Variants in AREL1 observed in about 807,000 individuals in gnomAD.
AREL1 encodes the protein apoptosis-resistant E3 ubiquitin protein ligase 1.
AREL1 carries 62 observed loss-of-function variants against 99.0 expected under a neutral mutation model. The ratio of observed to expected loss-of-function variants is 0.63; its 90% CI spans 0.51 to 0.77. AREL1 has a LOEUF of 0.77. Among genes scored for constraint, AREL1 ranks in the 30% least tolerant of loss-of-function variants. The pLI, the probability that AREL1 is intolerant of heterozygous loss-of-function variation, is 0.00. For synonymous variants in AREL1, 380 were observed against 376.5 expected (o/e 1.01, Z -0.11); for missense variants, 879 against 1,027.6 (o/e 0.86, Z 1.98).
chr14:74,664,456 T>C (rs1244502252), intron 18 of AREL1, among the ~76,000 whole-genome samples: 1 of 140,950 alleles, frequency 7.1e-6, no homozygotes, highest in Non-Finnish European at 1.6e-5. Context: ...TTCTTTTTTT[T>C]TTTTTTTTTT....
intron 17 of AREL1, among the ~76,000 whole-genome samples, chr14:74,665,896 C>T (rs554223818): frequency 1.3e-3 from 204 of 152,308 alleles, no homozygotes; most frequent in Non-Finnish European, 2.6e-3. Context: ...GAACTAAGAG[C>T]AGGATGTGGA....
At chr14:74,701,848 C>T (rs2090091563) in intron 1 of AREL1, 1 of 152,158 alleles carries the variant, frequency 6.6e-6, no homozygotes, top group African/African-American at 2.4e-5. Context: ...TATACCTGTT[C>T]CAAATGGGAG....
Position 74,676,738 on chromosome 14 carries a change from A to T in AREL1, c.496T>A (p.Ser166Thr), listed in dbSNP as rs1432620876. The T allele has an allele frequency of 6.2e-7, 1 of 1,603,658 alleles. No individual in the cohort carries two copies. ...KIFQPGMVVPSKTKIVCHFST... is the reference protein window; with the variant it reads ...KIFQPGMVVPTKTKIVCHFST... Reference sequence around the variant, plus strand: ...AAGTGGCACACAATTTTGGTCTTAGAAGGAACCACCATTCCTGGAACAAAG... The same window carrying T: ...AAGTGGCACACAATTTTGGTCTTAGTAGGAACCACCATTCCTGGAACAAAG... The change falls in exon 6 of 20, where the codon TCT becomes ACT. Residue 166 changes from serine to threonine, a missense_variant. Ser to Thr is a moderately conservative substitution (Grantham distance 58). Transcript: ENST00000356357.
At position 74,699,348 on chromosome 14, in the gene AREL1, G is replaced by GGTGTGTGTGT. The variant is rs770359342; in HGVS notation, c.-333-7030_-333-7021dup. ...TGTCCCAGTCTAAGTGACAGTGAGG[G>GGTGTGTGTGT]GTGTGTGTGTGTGTGTGTGTGTGTG... On this transcript the variant is annotated intron_variant, in intron 1 of 19. Transcript: ENST00000356357. Among the ~76,000 whole-genome samples the GGTGTGTGTGT allele has an allele frequency of 4.8e-3, 693 of 143,512 alleles. 5 individuals carry two copies. The highest frequency in any genetic ancestry group is 0.017 in the African/African-American group (655 of 37,774). 94.1% of individuals were successfully genotyped at this position (143,512 alleles called of 152,430 possible).
chr14:74,692,160 G>A lies in AREL1; in HGVS notation c.-165C>T. On this transcript the variant is annotated 5_prime_UTR_variant, in exon 2 of 20. Coordinates refer to ENST00000356357, the MANE Select transcript of AREL1 (RefSeq NM_001039479.2). ...TCCACATGAAAGAAAAACGCCACAA[G>A]GTCAACAGAAAGGGTCTATCCATCA... 2.2e-6 allele frequency: 1 copy of A among 445,330 alleles called. No homozygotes were observed. The highest frequency in any genetic ancestry group is 1.6e-5 in the South Asian group (1 of 61,858). 27.6% of individuals were successfully genotyped at this position (445,330 alleles called of 1,614,324 possible).
chr14:74,679,441 G>C (rs1204451802), intron 5 of AREL1, among the ~76,000 whole-genome samples: 1 of 152,094 alleles, frequency 6.6e-6, no homozygotes, highest in Non-Finnish European at 1.5e-5. Flanking sequence ...ATAAAGAAAA[G>C]CTACAGATGG....
chr14:74,667,198 A>G (rs749626305), intron 17 of AREL1, 121 bp downstream of exon 17: 91 of 1,159,470 alleles, frequency 7.8e-5, no homozygotes, highest in Admixed American at 1.3e-4. Flanking sequence ...ACAAAAGTGA[A>G]ACCACCTCTT....
chr14:74,664,448 CTTTTTTTTT>C (rs56728679), intron 18 of AREL1, among the ~76,000 whole-genome samples: 1 of 76,896 alleles, frequency 1.3e-5, no homozygotes, highest in Admixed American at 1.8e-4. Flanking sequence ...CTTTTCCTTT[CTTTTTTTTT>C]TTTTTTTTTT....
intron 17 of AREL1, among the ~76,000 whole-genome samples, chr14:74,666,466 A>G (rs371303553): frequency 7.2e-5 from 11 of 152,200 alleles, no homozygotes; most frequent in East Asian, 5.8e-4. Context: ...AATTTACTAT[A>G]TAAATAAAAA....
At position 74,713,012 on chromosome 14, in the gene AREL1, C is replaced by G. The variant is rs777208686; in HGVS notation, c.-413G>C. Reference sequence around the variant, plus strand: ...GCGGCAGCACTCAGCAGAAGACGGGCTCCCCACTCTCCCACCAACAGACCC... The same window carrying G: ...GCGGCAGCACTCAGCAGAAGACGGGGTCCCCACTCTCCCACCAACAGACCC... On this transcript the variant is annotated 5_prime_UTR_variant, in exon 1 of 20. Transcript: ENST00000356357. 1.1e-6 allele frequency: 1 copy of G among 944,614 alleles called. No individual in the cohort carries two copies. The allele number at this position is 944,614 out of a possible 1,614,324, so 58.5% of individuals were successfully genotyped here. A position where few individuals can be genotyped will look rare whatever the true frequency, so the allele number is the denominator to read the frequency against.
chr14:74,689,427 T>C (rs1300974209), intron 2 of AREL1, among the ~76,000 whole-genome samples: 1 of 152,008 alleles, frequency 6.6e-6, no homozygotes, highest in African/African-American at 2.4e-5. Context: ...GCCTAGAATA[T>C]CCTCCTTCCT....
chr14:74,698,213 C>T (rs1030971889), intron 1 of AREL1, among the ~76,000 whole-genome samples: 7 of 152,156 alleles, frequency 4.6e-5, no homozygotes, highest in African/African-American at 1.7e-4. Context: ...AACTTCTGAT[C>T]TACTGTGCAT....
Position 74,712,969 on chromosome 14 carries a change from C to T in AREL1, c.-370G>A. The T allele has an allele frequency of 2.7e-6, 2 of 733,816 alleles. No individual in the cohort carries two copies. The highest frequency in any genetic ancestry group is 2.0e-5 in the Admixed American group (1 of 49,742). 45.5% of individuals were successfully genotyped at this position (733,816 alleles called of 1,614,324 possible). A position where few individuals can be genotyped will look rare whatever the true frequency, so the allele number is the denominator to read the frequency against. ...GTTGCAGCGCGACGAAGTTCCACCT[C>T]CGCTGTCCTGGGAAGGGGCGGCAGC... On this transcript the variant is annotated 5_prime_UTR_variant, in exon 1 of 20. Coordinates refer to ENST00000356357, the MANE Select transcript of AREL1 (RefSeq NM_001039479.2).
chr14:74,664,697 G>T, intron 18 of AREL1, 139 bp downstream of exon 18: 2 of 493,254 alleles, frequency 4.1e-6, no homozygotes, highest in Non-Finnish European at 7.1e-6. Flanking sequence ...CTGACTTTGT[G>T]ATCCGCCTGC....
At chr14:74,670,911 C>T (rs1210826050) in intron 12 of AREL1, 40 bp from the exon 13 acceptor site, 2 of 1,513,634 alleles carry the variant, frequency 1.3e-6, no homozygotes, top group Non-Finnish European at 9.2e-7. Context: ...CTCTGCCCTC[C>T]CTCCTCTTAC....
chr14:74,678,359 A>G (rs1566687057), intron 5 of AREL1: 3 of 358,152 alleles, frequency 8.4e-6, no homozygotes, highest in South Asian at 2.1e-5. Flanking sequence ...TTAGCTAAGC[A>G]CGGTGGTGCA....
chr14:74,707,256 T>A (rs562336914), intron 1 of AREL1, among the ~76,000 whole-genome samples: 5 of 151,534 alleles, frequency 3.3e-5, no homozygotes, highest in African/African-American at 1.2e-4. Context: ...TAATCCCAGC[T>A]ACTCGGGAGG....
chr14:74,664,979 T>C, intron 17 of AREL1, 54 bp from the exon 18 acceptor site: 1 of 1,483,062 alleles, frequency 6.7e-7, no homozygotes, highest in South Asian at 1.2e-5. Flanking sequence ...AAAGACCCAA[T>C]ATAAGGTCAA....
Position 74,661,591 on chromosome 14 carries a change from T to G in AREL1, c.*2129A>C, listed in dbSNP as rs964265101. On this transcript the variant is annotated 3_prime_UTR_variant, in exon 20 of 20. Coordinates refer to ENST00000356357, the MANE Select transcript of AREL1 (RefSeq NM_001039479.2). ...TACCTTTTCCCCACACTGGCTAGTA[T>G]GAAAGCAGGATTAGAAAAAAAAAAA... 2 of 184,026 alleles carry G rather than the reference T, an allele frequency of 1.1e-5. No homozygotes were observed. Among genetic ancestry groups the G allele is most frequent in the African/African-American group, 2.6e-5 (1 of 38,850 alleles). The allele number at this position is 184,026 out of a possible 1,614,324, so 11.4% of individuals were successfully genotyped here. A position where few individuals can be genotyped will look rare whatever the true frequency, so the allele number is the denominator to read the frequency against.
Sources: allele counts gnomAD v4.1 joint callset (sites outside exome capture counted in the v4.1 genomes callset), GRCh38; gene constraint gnomAD v4.1.1; transcripts MANE v1.5; gene names NCBI Gene and HGNC (gene_info 2026-07-23, HGNC 2026-07-21).